SSBP3: variants seen among roughly 807,000 people sequenced by gnomAD.
SSBP3 encodes the protein single stranded DNA binding protein 3.
SSBP3 carries 5 observed loss-of-function variants against 69.6 expected under a neutral mutation model. That is an observed-to-expected ratio of 0.07 (90% CI 0.04 to 0.15). The LOEUF (loss-of-function observed/expected upper bound fraction) is 0.15. Among genes scored for constraint, SSBP3 ranks in the 10% least tolerant of loss-of-function variants. SSBP3 has a pLI of 1.00. For synonymous variants in SSBP3, 196 were observed against 193.4 expected (o/e 1.01, Z -0.11); for missense variants, 312 against 534.0 (o/e 0.58, Z 4.10).
intron 14 of SSBP3, chr1:54,238,778 G>C (rs747027052): frequency 1.1e-4 from 32 of 287,796 alleles, no homozygotes; most frequent in Middle Eastern, 1.0e-3. Flanking sequence ...GGAGGAGAGG[G>C]ATTGCCCGGG....
At chr1:54,387,586 T>A (rs1345851271) in intron 4 of SSBP3, among the ~76,000 whole-genome samples, 3 of 152,206 alleles carry the variant, frequency 2.0e-5, no homozygotes, top group African/African-American at 7.2e-5. Context: ...TAGCATTCAG[T>A]AATTAAAAAT....
chr1:54,240,047 G>GGTGTGTGT (rs71066910), intron 13 of SSBP3, among the ~76,000 whole-genome samples: 888 of 77,522 alleles, frequency 0.011, 3 homozygotes, highest in Middle Eastern at 0.018. Flanking sequence ...ATTGTGATGG[G>GGTGTGTGT]GTGTGTGTGT....
At chr1:54,238,679 C>A in intron 14 of SSBP3, 1 of 314,568 alleles carries the variant, frequency 3.2e-6, no homozygotes, top group South Asian at 3.2e-5. Context: ...GAGCTCCTGG[C>A]AGCAGCACAG....
intron 4 of SSBP3, among the ~76,000 whole-genome samples, chr1:54,309,301 A>G (rs1478217153): frequency 6.6e-6 from 1 of 152,262 alleles, no homozygotes; most frequent in East Asian, 1.9e-4. Context: ...AAAAACACAC[A>G]AGTTTTCCAA....
At chr1:54,352,339 CCTA>C (rs1465564451) in intron 4 of SSBP3, among the ~76,000 whole-genome samples, 3 of 152,172 alleles carry the variant, frequency 2.0e-5, no homozygotes, top group African/African-American at 7.2e-5. Context: ...ACCTTGTTAT[CCTA>C]CTAAGTGGCA....
chr1:54,267,861 C>T (rs549165180), intron 5 of SSBP3, among the ~76,000 whole-genome samples: 13 of 152,270 alleles, frequency 8.5e-5, no homozygotes, highest in African/African-American at 1.9e-4. Flanking sequence ...CCTGCTGCCC[C>T]GCTAAGTCAC....
chr1:54,349,470 T>C (rs1646746639), intron 4 of SSBP3, among the ~76,000 whole-genome samples: 1 of 152,200 alleles, frequency 6.6e-6, no homozygotes, highest in African/African-American at 2.4e-5. Flanking sequence ...GAGCATACTA[T>C]GAAGTTATGA....
intron 4 of SSBP3, among the ~76,000 whole-genome samples, chr1:54,291,738 C>T (rs1046028443): frequency 4.6e-5 from 7 of 152,182 alleles, no homozygotes; most frequent in African/African-American, 1.7e-4. Context: ...TGATGTAGGT[C>T]ACAAAGCAAA....
intron 4 of SSBP3, among the ~76,000 whole-genome samples, chr1:54,302,991 C>T (rs544564800): frequency 1.1e-4 from 16 of 152,298 alleles, no homozygotes; most frequent in Admixed American, 9.8e-4. Flanking sequence ...GGTGATCTAG[C>T]GGGGCAGACG....
At chr1:54,384,265 T>A (rs998550329) in intron 4 of SSBP3, among the ~76,000 whole-genome samples, 1 of 152,200 alleles carries the variant, frequency 6.6e-6, no homozygotes, top group Non-Finnish European at 1.5e-5. Flanking sequence ...TCCATCGATG[T>A]GTCAAAGACC....
chr1:54,243,186 G>T (rs201346200), intron 10 of SSBP3, 49 bp downstream of exon 10: 1 of 1,565,172 alleles, frequency 6.4e-7, no homozygotes, highest in East Asian at 2.2e-5. Context: ...GGCAGAGGGT[G>T]GGGGAAGACC....
intron 4 of SSBP3, among the ~76,000 whole-genome samples, chr1:54,396,784 T>C (rs2100792151): frequency 6.6e-6 from 1 of 152,192 alleles, no homozygotes; most frequent in African/African-American, 2.4e-5. Flanking sequence ...CTGCCAAAAA[T>C]TTTGTTTGGG....
chr1:54,395,904 C>T (rs182724622), intron 4 of SSBP3, among the ~76,000 whole-genome samples: 2 of 152,066 alleles, frequency 1.3e-5, no homozygotes, highest in East Asian at 3.9e-4. Flanking sequence ...CAAAAAACCC[C>T]GTTACCGGCC....
At position 54,322,004 on chromosome 1, in the gene SSBP3, C is replaced by A. The variant is rs145299030; in HGVS notation, c.277-40477G>T. Among the ~76,000 whole-genome samples the A allele has an allele frequency of 2.6e-3, 399 of 152,262 alleles. 4 individuals carry two copies. Among genetic ancestry groups the A allele is most frequent in the African/African-American group, 8.8e-3 (367 of 41,546 alleles). On this transcript the variant is annotated intron_variant, in intron 4 of 17. Coordinates refer to ENST00000610401, the Ensembl canonical transcript of SSBP3. Reference sequence around the variant, plus strand: ...TGCACTCTGCTCAACCCTGCCCTTCCAAAGCTTCAGGACTGGAAAATGAAT... The same window carrying A: ...TGCACTCTGCTCAACCCTGCCCTTCAAAAGCTTCAGGACTGGAAAATGAAT...
At chr1:54,355,469 T>G (rs937860889) in intron 4 of SSBP3, among the ~76,000 whole-genome samples, 2 of 152,188 alleles carry the variant, frequency 1.3e-5, no homozygotes, top group Admixed American at 1.3e-4. Flanking sequence ...CCGCCTCAAC[T>G]TCCCAAGTAG....
chr1:54,382,755 G>A (rs1647750933), intron 4 of SSBP3, among the ~76,000 whole-genome samples: 1 of 152,012 alleles, frequency 6.6e-6, no homozygotes, highest in Non-Finnish European at 1.5e-5. Flanking sequence ...GGAGACTGAG[G>A]CAGGTGGATC....
intron 14 of SSBP3, among the ~76,000 whole-genome samples, chr1:54,229,093 C>T (rs368700590): frequency 2.6e-5 from 4 of 152,362 alleles, no homozygotes; most frequent in African/African-American, 9.6e-5. Context: ...CACAGAGGCA[C>T]CTCTGAAACT....
At chr1:54,316,033 C>A (rs1646091126) in intron 4 of SSBP3, among the ~76,000 whole-genome samples, 1 of 152,124 alleles carries the variant, frequency 6.6e-6, no homozygotes, top group Non-Finnish European at 1.5e-5. Context: ...ATTTTCTGAC[C>A]CAGTAATTGC....
intron 4 of SSBP3, among the ~76,000 whole-genome samples, chr1:54,398,429 G>T (rs1649052100): frequency 6.6e-6 from 1 of 152,214 alleles, no homozygotes; most frequent in Non-Finnish European, 1.5e-5. Context: ...ACCACATGGA[G>T]AAAAAGGATT....
Sources: gnomAD v4.1 joint callset for allele counts (sites outside exome capture counted in the v4.1 genomes callset) on GRCh38, gnomAD v4.1.1 for gene constraint, MANE v1.5 for transcripts, NCBI Gene and HGNC (gene_info 2026-07-23, HGNC 2026-07-21) for gene names.